Variants in UHRF2 observed in about 807,000 individuals in gnomAD.
UHRF2 encodes ubiquitin like with PHD and ring finger domains 2, also known as E3 ubiquitin-protein ligase UHRF2.
In UHRF2, 23 loss-of-function variants were observed where a neutral mutation model predicts 96.8. The observed-to-expected ratio is 0.24, with a 90% CI of 0.17 to 0.34. UHRF2 has a LOEUF of 0.34. UHRF2 is among the 10% of genes least tolerant of loss of function. The pLI is 1.00. For missense variants in UHRF2, 685 were observed against 981.5 expected (o/e 0.70, Z 4.04); for synonymous variants, 385 against 332.6 (o/e 1.16, Z -1.72).
chr9:6,421,826 T>G (rs1819947715), intron 2 of UHRF2, among the ~76,000 whole-genome samples: 2 of 152,216 alleles, frequency 1.3e-5, no homozygotes, highest in Non-Finnish European at 1.5e-5. Flanking sequence ...TTTTTATTTT[T>G]GCTACTTACG....
In UHRF2 at chr9:6,506,018, T is replaced by C. The variant is rs1417323752; in HGVS notation, c.2263-15T>C. ...TATGCTCAGATTAAATTGGATGTTT[T>C]TGTTTTTACCATAGGATTGCCTACA... is the stretch of plus-strand genomic sequence containing the variant. On this transcript the variant is annotated splice_polypyrimidine_tract_variant and intron_variant, in intron 15 of 15. Transcript: ENST00000276893. 1.2e-6 allele frequency: 2 copies of C among 1,613,740 alleles called. No homozygotes were observed. Among genetic ancestry groups the C allele is most frequent in the Admixed American group, 3.3e-5 (2 of 59,962 alleles).
At position 6,478,035 on chromosome 9, in the gene UHRF2, CTG is replaced by C. The variant is rs540009496; in HGVS notation, c.1160+231_1160+232del. On this transcript the variant is annotated intron_variant, in intron 6 of 15. Coordinates refer to ENST00000276893, the MANE Select transcript of UHRF2 (RefSeq NM_152896.3). ...TCCGTTTCTTCTCTGATAATAGACT[CTG>C]TGTTCATTCAAAAATGCAAATCTGA... Among the ~76,000 whole-genome samples the C allele has an allele frequency of 5.7e-3, 861 of 152,294 alleles. 6 individuals are homozygous for C. Among genetic ancestry groups the C allele is most frequent in the African/African-American group, 0.019 (808 of 41,558 alleles).
At chr9:6,422,160 T>C (rs545326393) in intron 2 of UHRF2, among the ~76,000 whole-genome samples, 19 of 152,304 alleles carry the variant, frequency 1.2e-4, no homozygotes, top group Admixed American at 3.3e-4. Flanking sequence ...CTTGGTTCCA[T>C]TGGTCTGTTT....
At chr9:6,462,962 G>A (rs146360826) in intron 4 of UHRF2, among the ~76,000 whole-genome samples, 2 of 151,160 alleles carry the variant, frequency 1.3e-5, no homozygotes, top group African/African-American at 4.9e-5. Flanking sequence ...TTAAGAGTGG[G>A]AACACACTGG....
chr9:6,423,664 G>A (rs1308475026), intron 2 of UHRF2, among the ~76,000 whole-genome samples: 1 of 148,268 alleles, frequency 6.7e-6, no homozygotes, highest in Non-Finnish European at 1.5e-5. Flanking sequence ...GAAAAGTCTC[G>A]GCCGGGCGTG....
intron 3 of UHRF2, among the ~76,000 whole-genome samples, chr9:6,435,413 A>T (rs1820784488): frequency 6.6e-6 from 1 of 152,222 alleles, no homozygotes; most frequent in Non-Finnish European, 1.5e-5. Flanking sequence ...GGCGTGAGCC[A>T]CTGTGCCCAG....
chr9:6,473,936 C>T (rs1587845915), intron 4 of UHRF2, among the ~76,000 whole-genome samples: 1 of 152,160 alleles, frequency 6.6e-6, no homozygotes, highest in South Asian at 2.1e-4. Flanking sequence ...GTGAGAAACA[C>T]TATAGGACAA....
intron 12 of UHRF2, 98 bp downstream of exon 12, chr9:6,498,256 C>G: frequency 7.7e-7 from 1 of 1,297,602 alleles, no homozygotes; most frequent in Non-Finnish European, 1.0e-6. Context: ...CAGCAATTGA[C>G]TGGTGGACTA....
At chr9:6,470,707 C>T (rs915124473) in intron 4 of UHRF2, among the ~76,000 whole-genome samples, 42 of 152,238 alleles carry the variant, frequency 2.8e-4, no homozygotes, top group African/African-American at 9.9e-4. Flanking sequence ...ATTCTGGCAT[C>T]ATTGGGGAAG....
At chr9:6,498,187 T>G (rs759287483) in intron 12 of UHRF2, 29 bp downstream of exon 12, 1 of 1,605,356 alleles carries the variant, frequency 6.2e-7, no homozygotes, top group Non-Finnish European at 8.5e-7. Flanking sequence ...AGGCTGCCTG[T>G]GTGTTCATAA....
chr9:6,456,318 G>C (rs1822172520), intron 3 of UHRF2, among the ~76,000 whole-genome samples: 1 of 152,070 alleles, frequency 6.6e-6, no homozygotes, highest in Non-Finnish European at 1.5e-5. Context: ...ATGTTTGTTG[G>C]CCGCATAAAT....
At chr9:6,495,487 C>T (rs547096654) in intron 10 of UHRF2, 1 of 152,338 alleles carries the variant, frequency 6.6e-6, no homozygotes, top group Non-Finnish European at 1.5e-5. Flanking sequence ...ATAGTATACT[C>T]TTTGCCCAGT....
chr9:6,443,328 T>C (rs1221561471), intron 3 of UHRF2, among the ~76,000 whole-genome samples: 1 of 152,202 alleles, frequency 6.6e-6, no homozygotes, highest in African/African-American at 2.4e-5. Context: ...GTAATCTTCA[T>C]AGAAACTCAG....
chr9:6,429,117 A>T (rs1218152493), intron 2 of UHRF2, among the ~76,000 whole-genome samples: 1 of 151,940 alleles, frequency 6.6e-6, no homozygotes, highest in Non-Finnish European at 1.5e-5. Context: ...GTGAGCCAAC[A>T]TCGCACCACT....
chr9:6,501,712 A>G (rs370716672), intron 14 of UHRF2, among the ~76,000 whole-genome samples: 5 of 152,348 alleles, frequency 3.3e-5, no homozygotes, highest in African/African-American at 1.2e-4. Context: ...AGAAGTGTTT[A>G]CTTGTATTTT....
At chr9:6,486,502 T>G (rs1824297941) in intron 8 of UHRF2, among the ~76,000 whole-genome samples, 1 of 152,238 alleles carries the variant, frequency 6.6e-6, no homozygotes, top group Non-Finnish European at 1.5e-5. Flanking sequence ...TGAGTTGAGC[T>G]GGAAGTTCCA....
At chr9:6,468,682 G>C (rs547489560) in intron 4 of UHRF2, 1 of 456,054 alleles carries the variant, frequency 2.2e-6, no homozygotes, top group South Asian at 1.5e-5. Context: ...CTGGACTTCT[G>C]CTGGACAAGA....
At chr9:6,461,163 A>G (rs1406270590) in intron 4 of UHRF2, among the ~76,000 whole-genome samples, 2 of 152,224 alleles carry the variant, frequency 1.3e-5, no homozygotes, top group Non-Finnish European at 2.9e-5. Context: ...CTACTTAACC[A>G]GCTGTCTGCT....
intron 3 of UHRF2, among the ~76,000 whole-genome samples, chr9:6,450,622 C>G (rs1469376967): frequency 1.3e-5 from 2 of 152,100 alleles, no homozygotes; most frequent in Admixed American, 1.3e-4. Context: ...TCCCTAGAAT[C>G]TTTCAAAGGT....
Sources: allele counts gnomAD v4.1 joint callset (sites outside exome capture counted in the v4.1 genomes callset), GRCh38; gene constraint gnomAD v4.1.1; transcripts MANE v1.5; gene names NCBI Gene and HGNC (gene_info 2026-07-23, HGNC 2026-07-21).